The following SLC7A14 variants were observed in gnomAD, a reference collection of about 807,000 sequenced individuals.
The protein encoded by SLC7A14 is solute carrier family 7 member 14, also known as gamma-aminobutyric acid transporter SLC7A14.
A neutral mutation model predicts 60.2 loss-of-function variants in SLC7A14; 37 were observed. The ratio of observed to expected loss-of-function variants is 0.61; its 90% CI spans 0.47 to 0.81. The LOEUF (loss-of-function observed/expected upper bound fraction) is 0.81. Ranked by LOEUF, SLC7A14 falls within the 30% of genes least tolerant of loss-of-function variation. The pLI is 0.00. For missense variants in SLC7A14, 886 were observed against 982.7 expected (o/e 0.90, Z 1.32); for synonymous variants, 399 against 395.8 (o/e 1.01, Z -0.10).
Position 170,480,413 on chromosome 3 carries a change from C to T in SLC7A14, c.1869G>A (p.Lys623=). ...GGCAAGGGGCCATGTAGGGCAGCTT[C>T]TTGGGGTTCTCTGGCTGCTGCAGGA... The part of the protein sequence containing the change: ...FVILQQPENP[K]KLPYMAPCLP... Residue 623 remains lysine (K), a synonymous_variant, in exon 7 of 8, where the codon AAG becomes AAA. Coordinates refer to ENST00000231706, the MANE Select transcript of SLC7A14 (RefSeq NM_020949.3). 1 of 1,613,568 alleles carries T rather than the reference C, an allele frequency of 6.2e-7. No individual in the cohort carries two copies. The highest frequency in any genetic ancestry group is 8.5e-7 in the Non-Finnish European group (1 of 1,179,612).
intron 1 of SLC7A14, among the ~76,000 whole-genome samples, chr3:170,569,244 C>T (rs969202192): frequency 3.3e-5 from 5 of 151,812 alleles, no homozygotes; most frequent in Non-Finnish European, 7.4e-5. Context: ...TTGTCAAAGG[C>T]CTTTTCTGCA....
intron 1 of SLC7A14, among the ~76,000 whole-genome samples, chr3:170,555,797 T>C (rs1183221584): frequency 6.6e-6 from 1 of 152,218 alleles, no homozygotes; most frequent in African/African-American, 2.4e-5. Context: ...CAAACACCAT[T>C]ATATAGCACA....
At chr3:170,549,045 A>G (rs1179616598) in intron 1 of SLC7A14, among the ~76,000 whole-genome samples, 4 of 152,200 alleles carry the variant, frequency 2.6e-5, no homozygotes, top group African/African-American at 9.7e-5. Context: ...ATGAATAGAC[A>G]TAAAACACTA....
At chr3:170,581,205 CT>C (rs1463934316) in intron 1 of SLC7A14, among the ~76,000 whole-genome samples, 1 of 152,116 alleles carries the variant, frequency 6.6e-6, no homozygotes, top group Non-Finnish European at 1.5e-5. Context: ...TAGAATTATT[CT>C]TGTTCTGATT....
intron 2 of SLC7A14, among the ~76,000 whole-genome samples, chr3:170,515,248 G>A (rs1713113268): frequency 6.6e-6 from 1 of 151,796 alleles, no homozygotes; most frequent in African/African-American, 2.4e-5. Context: ...GGGAGGCAGA[G>A]GCTGCAGTGA....
At chr3:170,499,011 C>T in intron 3 of SLC7A14, 127 bp from the exon 4 acceptor site, 2 of 780,940 alleles carry the variant, frequency 2.6e-6, no homozygotes, top group Non-Finnish European at 4.1e-6. Flanking sequence ...CCGAGGCAGG[C>T]AGATCACGAG....
At position 170,460,198 on chromosome 3, in the gene SLC7A14, A is replaced by G. The variant is rs1014822524; in HGVS notation, c.*6857T>C. 6.6e-6 allele frequency: 1 copy of G among 152,262 alleles called. No individual in the cohort carries two copies. Among genetic ancestry groups the G allele is most frequent in the South Asian group, 2.1e-4 (1 of 4,834 alleles). 9.4% of individuals were successfully genotyped at this position (152,262 alleles called of 1,614,324 possible). ...ATTACCATCTGTAAATGCAAGTTGT[A>G]CTTCTCAAGGACGAAACGAAAAAGA... On this transcript the variant is annotated 3_prime_UTR_variant, in exon 8 of 8. Transcript: ENST00000231706.
intron 1 of SLC7A14, among the ~76,000 whole-genome samples, chr3:170,582,249 C>T (rs556813474): frequency 8.5e-5 from 13 of 152,108 alleles, no homozygotes; most frequent in African/African-American, 2.9e-4. Flanking sequence ...TTCCCAGTTC[C>T]TAGTTCTTGG....
rs1042621981 is a variant in SLC7A14 at position 170,465,682 on chromosome 3, G to C, written c.*1373C>G. 4 of 152,174 alleles carry C rather than the reference G, an allele frequency of 2.6e-5. No individual in the cohort carries two copies. Among genetic ancestry groups the C allele is most frequent in the African/African-American group, 9.7e-5 (4 of 41,450 alleles). 9.4% of individuals were successfully genotyped at this position (152,174 alleles called of 1,614,324 possible). ...TAGCTTGATTAATTTTAATAGCTTG[G>C]TTAATTCTATGATAGCTTGATTCAA... On this transcript the variant is annotated 3_prime_UTR_variant, in exon 8 of 8. Coordinates refer to ENST00000231706, the MANE Select transcript of SLC7A14 (RefSeq NM_020949.3).
chr3:170,528,534 C>G (rs1272275471), intron 1 of SLC7A14, among the ~76,000 whole-genome samples: 1 of 152,148 alleles, frequency 6.6e-6, no homozygotes, highest in Non-Finnish European at 1.5e-5. Flanking sequence ...CTTAATGTAG[C>G]ACTTGTCTGC....
intron 2 of SLC7A14, among the ~76,000 whole-genome samples, chr3:170,511,697 A>G (rs919160624): frequency 4.6e-5 from 7 of 152,188 alleles, no homozygotes; most frequent in Admixed American, 2.6e-4. Context: ...GGGATAAAAC[A>G]GGTTGGAAGC....
intron 1 of SLC7A14, among the ~76,000 whole-genome samples, chr3:170,540,318 T>G (rs954862741): frequency 5.9e-5 from 9 of 152,210 alleles, no homozygotes; most frequent in Non-Finnish European, 1.3e-4. Flanking sequence ...TTAGTTAGGT[T>G]TAGAGCTATA....
At chr3:170,483,085 G>C (rs1052120409) in intron 6 of SLC7A14, among the ~76,000 whole-genome samples, 6 of 152,038 alleles carry the variant, frequency 3.9e-5, no homozygotes, top group African/African-American at 1.4e-4. Flanking sequence ...GAGGACAGTG[G>C]GGGGACACAC....
chr3:170,524,005 G>A (rs1045818014), intron 2 of SLC7A14, among the ~76,000 whole-genome samples: 2 of 152,232 alleles, frequency 1.3e-5, no homozygotes, highest in Non-Finnish European at 2.9e-5. Context: ...GGCTAGATAA[G>A]TCAGTCATAC....
At position 170,481,923 on chromosome 3, in the gene SLC7A14, A is replaced by C. The variant is rs550803652; in HGVS notation, c.1116-757T>G. ...CTCTTGGAGCTTGTTAGAAATGTATATTCTCAGGTTTCACCCAATAACTAC... is the reference window on the plus strand; with the variant it reads ...CTCTTGGAGCTTGTTAGAAATGTATCTTCTCAGGTTTCACCCAATAACTAC... On this transcript the variant is annotated intron_variant, in intron 6 of 7. Transcript: ENST00000231706. 9.2e-5 allele frequency among the ~76,000 whole-genome samples: 14 copies of C among 152,244 alleles called. No homozygotes were observed. In the South Asian group the frequency reaches 1.5e-3, roughly 16 times the overall value.
chr3:170,548,667 A>G (rs1714246850), intron 1 of SLC7A14, among the ~76,000 whole-genome samples: 1 of 152,288 alleles, frequency 6.6e-6, no homozygotes, highest in South Asian at 2.1e-4. Flanking sequence ...CTGAGTCCAC[A>G]TCTCTGGGAG....
At chr3:170,529,221 C>T (rs1467173163) in intron 1 of SLC7A14, among the ~76,000 whole-genome samples, 1 of 152,142 alleles carries the variant, frequency 6.6e-6, no homozygotes, top group Admixed American at 6.5e-5. Flanking sequence ...CTTTCAGACC[C>T]TTTTCTATGT....
chr3:170,582,633 A>G (rs911183457), intron 1 of SLC7A14, among the ~76,000 whole-genome samples: 1 of 152,166 alleles, frequency 6.6e-6, no homozygotes, highest in African/African-American at 2.4e-5. Context: ...AATTGGCTCT[A>G]GAGAAGGTTT....
In SLC7A14 at chr3:170,532,673, T is replaced by C. The variant is rs1713714372; in HGVS notation, c.-152-5585A>G. Among the ~76,000 whole-genome samples the C allele has an allele frequency of 7.1e-6, 1 of 139,898 alleles. No homozygotes were observed. The highest frequency in any genetic ancestry group is 2.1e-4 in the South Asian group (1 of 4,754). The allele number at this position is 139,898 out of a possible 152,430, so 91.8% of individuals were successfully genotyped here. On this transcript the variant is annotated intron_variant, in intron 1 of 7. Transcript: ENST00000231706. The surrounding 1 kb of genome is among the most constrained non-coding windows in gnomAD (Gnocchi z 4.0). Reference sequence around the variant, plus strand: ...CCTGCTGTGGCCCCTGACCAGGTGTTTTTTTTTTTTTGTTGTTGTTGTTCC... The same window carrying C: ...CCTGCTGTGGCCCCTGACCAGGTGTCTTTTTTTTTTTGTTGTTGTTGTTCC...
Sources: allele counts gnomAD v4.1 joint callset (sites outside exome capture counted in the v4.1 genomes callset), GRCh38; gene constraint gnomAD v4.1.1; non-coding constraint Gnocchi (gnomAD v3.1); transcripts MANE v1.5; gene names NCBI Gene and HGNC (gene_info 2026-07-23, HGNC 2026-07-21).